RPS6KC1: variants seen among roughly 807,000 people sequenced by gnomAD.
The protein encoded by RPS6KC1 is inactive ribosomal protein S6 kinase delta-1.
In RPS6KC1, 54 loss-of-function variants were observed where a neutral mutation model predicts 103.8. The ratio of observed to expected loss-of-function variants is 0.52; its 90% confidence interval spans 0.42 to 0.65. The LOEUF is 0.65. RPS6KC1 is among the 30% of genes least tolerant of loss of function. RPS6KC1 has a pLI of 0.00. For missense variants in RPS6KC1, 1,151 were observed against 1,253.8 expected (o/e 0.92, Z 1.24); for synonymous variants, 439 against 438.7 (o/e 1.00, Z -0.01).
intron 8 of RPS6KC1, among the ~76,000 whole-genome samples, chr1:213,204,765 AG>A (rs1173583766): frequency 2.6e-5 from 4 of 151,896 alleles, no homozygotes; most frequent in African/African-American, 4.8e-5. Flanking sequence ...CCAGGACCAC[AG>A]GTGTATGCCA....
chr1:213,259,775 G>A, intron 12 of RPS6KC1, among the ~76,000 whole-genome samples: 1 of 25,344 alleles, frequency 3.9e-5, no homozygotes, highest in East Asian at 1.1e-3. Flanking sequence ...TTTTGCTCTT[G>A]TTGCCCAGGC....
chr1:213,115,487 A>T (rs566928606), intron 4 of RPS6KC1, among the ~76,000 whole-genome samples: 6 of 151,686 alleles, frequency 4.0e-5, no homozygotes, highest in African/African-American at 1.5e-4. Context: ...AGTTTTGTTG[A>T]TCCTTTCAAA....
intron 5 of RPS6KC1, among the ~76,000 whole-genome samples, chr1:213,120,084 T>C (rs1250661347): frequency 6.6e-6 from 1 of 152,210 alleles, no homozygotes; most frequent in Non-Finnish European, 1.5e-5. Flanking sequence ...CTTTTAGGAA[T>C]GTGCTTTTAT....
chr1:213,070,968 G>T, intron 1 of RPS6KC1, 38 bp from the exon 2 acceptor site: 2 of 1,285,982 alleles, frequency 1.6e-6, no homozygotes, highest in South Asian at 2.8e-5. Flanking sequence ...CTTAAATTTT[G>T]ATAATGATTA....
chr1:213,475,618 C>G, the RPS6KC1 span, among the ~76,000 whole-genome samples: 1 of 152,156 alleles, frequency 6.6e-6, no homozygotes, highest in Non-Finnish European at 1.5e-5. Flanking sequence ...CTCCCGCTGC[C>G]TCTCCCTCAG....
At chr1:213,403,001 G>A in the RPS6KC1 span, among the ~76,000 whole-genome samples, 4 of 151,014 alleles carry the variant, frequency 2.6e-5, no homozygotes, top group Non-Finnish European at 4.4e-5. Flanking sequence ...GGTGGCAGGT[G>A]CCTGTAGTCC....
chr1:213,755,366 G>A, the RPS6KC1 span, among the ~76,000 whole-genome samples: 7 of 152,216 alleles, frequency 4.6e-5, no homozygotes, highest in African/African-American at 1.4e-4. Context: ...AATGGAGAAG[G>A]AAGCAGGGAA....
At chr1:213,728,725 G>C in the RPS6KC1 span, among the ~76,000 whole-genome samples, 1 of 152,096 alleles carries the variant, frequency 6.6e-6, no homozygotes, top group Admixed American at 6.5e-5. Flanking sequence ...GTAGTGGTGG[G>C]AGGAGGGGGG....
chr1:213,650,619 TG>T, the RPS6KC1 span, among the ~76,000 whole-genome samples: 41 of 152,246 alleles, frequency 2.7e-4, no homozygotes, highest in Admixed American at 5.9e-4. Flanking sequence ...AACGGAAACC[TG>T]GGGAGTGGGG....
chr1:213,655,138 G>A, the RPS6KC1 span, among the ~76,000 whole-genome samples: 2 of 152,176 alleles, frequency 1.3e-5, no homozygotes, highest in Non-Finnish European at 2.9e-5. Context: ...CCCCTCCCAG[G>A]CTCAAGTGAT....
the RPS6KC1 span, among the ~76,000 whole-genome samples, chr1:213,570,062 G>A: frequency 6.6e-6 from 1 of 152,210 alleles, no homozygotes; most frequent in African/African-American, 2.4e-5. Flanking sequence ...AGGGCATGGA[G>A]TAAGGAAGAG....
chr1:213,084,785 T>A (rs2080227960), intron 3 of RPS6KC1, among the ~76,000 whole-genome samples: 1 of 151,982 alleles, frequency 6.6e-6, no homozygotes, highest in African/African-American at 2.4e-5. Flanking sequence ...CCTTTCCCCC[T>A]TTTTAAAGAG....
At chr1:213,365,274 T>C in the RPS6KC1 span, among the ~76,000 whole-genome samples, 64,664 of 152,128 alleles carry the variant, frequency 0.43, 16,426 homozygotes, top group African/African-American at 0.7. Flanking sequence ...CCAAGGAAAC[T>C]AGTTTATCAT....
At chr1:213,259,023 G>A (rs1051481848) in intron 12 of RPS6KC1, among the ~76,000 whole-genome samples, 1 of 152,130 alleles carries the variant, frequency 6.6e-6, no homozygotes, top group South Asian at 2.1e-4. Flanking sequence ...TCATGTTATA[G>A]ATGACATCAA....
At chr1:213,112,133 A>G (rs778427215) in intron 4 of RPS6KC1, among the ~76,000 whole-genome samples, 95 of 152,146 alleles carry the variant, frequency 6.2e-4, no homozygotes, top group Admixed American at 1.0e-3. Context: ...GTGCTGAAGT[A>G]GAGAGGAAAT....
chr1:213,219,251 T>C (rs1396208024), intron 8 of RPS6KC1, among the ~76,000 whole-genome samples: 2 of 152,042 alleles, frequency 1.3e-5, no homozygotes, highest in African/African-American at 4.8e-5. Context: ...AACAGACACA[T>C]GAAAAAATGC....
the RPS6KC1 span, among the ~76,000 whole-genome samples, chr1:213,422,305 T>C: frequency 6.6e-6 from 1 of 152,256 alleles, no homozygotes; most frequent in Admixed American, 6.5e-5. Context: ...AAATGGTTCA[T>C]CCATGTTGTA....
the RPS6KC1 span, among the ~76,000 whole-genome samples, chr1:213,787,824 AAT>A: frequency 6.6e-6 from 1 of 152,196 alleles, no homozygotes; most frequent in Non-Finnish European, 1.5e-5. Flanking sequence ...ACAAGTGCTC[AAT>A]ACACTGTACT....
At chr1:213,602,060 T>TTCTTTCTTTC in the RPS6KC1 span, among the ~76,000 whole-genome samples, 3 of 47,246 alleles carry the variant, frequency 6.3e-5, no homozygotes, top group African/African-American at 2.3e-4. Flanking sequence ...TTCTTTCTCT[T>TTCTTTCTTTC]TCTTTCTTTC....
Sources: allele counts gnomAD v4.1 joint callset (sites outside exome capture counted in the v4.1 genomes callset), GRCh38; gene constraint gnomAD v4.1.1; transcripts MANE v1.5; gene names NCBI Gene and HGNC (gene_info 2026-07-23, HGNC 2026-07-21).